ADAMTS16: variants seen among roughly 807,000 people sequenced by gnomAD.
ADAMTS16 encodes A disintegrin and metalloproteinase with thrombospondin motifs 16.
A neutral mutation model predicts 145.8 loss-of-function variants in ADAMTS16; 94 were observed. That is an observed-to-expected ratio of 0.64 (90% confidence interval 0.55 to 0.77). ADAMTS16 has a LOEUF of 0.77. Among genes scored for constraint, ADAMTS16 ranks in the 30% least tolerant of loss-of-function variants. The probability of loss-of-function intolerance (pLI) is 0.00; values close to 1 mark genes in which losing one functional copy is unlikely to be tolerated. For synonymous variants in ADAMTS16, 659 were observed against 604.3 expected (o/e 1.09, Z -1.33); for missense variants, 1,585 against 1,591.5 (o/e 1.00, Z 0.07).
intron 18 of ADAMTS16, among the ~76,000 whole-genome samples, chr5:5,293,800 A>T (rs948629348): frequency 6.6e-5 from 10 of 152,228 alleles, no homozygotes; most frequent in Admixed American, 6.5e-4. Context: ...TGGTGTGACC[A>T]AATGAACCGT....
Position 5,182,218 on chromosome 5 carries a change from TG to T in ADAMTS16, c.679del (p.Glu227SerfsTer56). The T allele has an allele frequency of 6.2e-7, 1 of 1,614,150 alleles. No homozygotes were observed. The highest frequency in any genetic ancestry group is 8.5e-7 in the Non-Finnish European group (1 of 1,180,034). The part of the protein sequence containing the change: ...ASEVLVTSRT[W>X]ELAHQPLHSS... ...TGAGGTCCTGGTGACCTCAAGGACA[TG>T]GGAGCTGGCACATCAACCCCTGCAC... On this transcript the variant is annotated frameshift_variant, in exon 4 of 23. Coordinates refer to ENST00000274181, the MANE Select transcript of ADAMTS16 (RefSeq NM_139056.4). LOFTEE classifies it high-confidence loss of function.
At chr5:5,251,722 T>C (rs1346790426) in intron 17 of ADAMTS16, among the ~76,000 whole-genome samples, 1 of 152,228 alleles carries the variant, frequency 6.6e-6, no homozygotes, top group Non-Finnish European at 1.5e-5. Flanking sequence ...GTAACTGAGA[T>C]GCTCTCTGCA....
chr5:5,208,967 A>C, intron 9 of ADAMTS16, 126 bp from the exon 10 acceptor site: 1 of 992,614 alleles, frequency 1.0e-6, no homozygotes, highest in East Asian at 2.5e-5. Flanking sequence ...AGGAGAAAAA[A>C]AGTTCTCCTC....
At chr5:5,309,472 T>C (rs1052171635) in intron 21 of ADAMTS16, among the ~76,000 whole-genome samples, 1 of 152,178 alleles carries the variant, frequency 6.6e-6, no homozygotes, top group Non-Finnish European at 1.5e-5. Context: ...ATAGTAAGTA[T>C]TCAGGAAATG....
chr5:5,141,755 G>T (rs1560920352), intron 2 of ADAMTS16, among the ~76,000 whole-genome samples: 1 of 152,132 alleles, frequency 6.6e-6, no homozygotes, highest in African/African-American at 2.4e-5. Flanking sequence ...CTTAATATAT[G>T]CATTAACTTT....
At chr5:5,273,165 C>T (rs544931339) in intron 18 of ADAMTS16, among the ~76,000 whole-genome samples, 1 of 152,296 alleles carries the variant, frequency 6.6e-6, no homozygotes, top group East Asian at 1.9e-4. Context: ...CTCCACTGTG[C>T]CCTTTGCAAA....
intron 10 of ADAMTS16, among the ~76,000 whole-genome samples, chr5:5,217,338 A>G (rs932096925): frequency 1.3e-5 from 2 of 152,158 alleles, no homozygotes; most frequent in Non-Finnish European, 2.9e-5. Context: ...AACAAAAGAC[A>G]AAATTGACAA....
chr5:5,173,084 C>T (rs754750484), intron 3 of ADAMTS16, among the ~76,000 whole-genome samples: 40 of 151,606 alleles, frequency 2.6e-4, no homozygotes, highest in Non-Finnish European at 4.7e-4. Context: ...TCTTTCTATT[C>T]CTTTATTTTT....
rs1738396503 is a variant in ADAMTS16 at position 5,269,850 on chromosome 5, C to G, written c.2789+7067C>G. Among the ~76,000 whole-genome samples, 1 of 152,154 alleles carries G rather than the reference C, an allele frequency of 6.6e-6. No homozygotes were observed. The highest frequency in any genetic ancestry group is 6.5e-5 in the Admixed American group (1 of 15,278). On this transcript the variant is annotated intron_variant, in intron 18 of 22. Coordinates refer to ENST00000274181, the MANE Select transcript of ADAMTS16 (RefSeq NM_139056.4). This position sits in a 1 kb window ranked among gnomAD's most constrained non-coding sequence, Gnocchi z 4.3. ...TCTCTCAAACACGGTTTAATACACA[C>G]ATGCTGTCAAGAGCACTGTGTGCTG... is the stretch of plus-strand genomic sequence containing the variant.
At position 5,303,604 on chromosome 5, in the gene ADAMTS16, G is replaced by T; in HGVS notation, c.3024G>T (p.Lys1008Asn). ...CSHTCGKGWR[K>N]RAVACKSTNP... ...ACACCTGTGGGAAGGGGTGGAGGAA[G>T]CGGGCAGTGGCCTGTAAGAGCACCA... The change falls in exon 20 of 23, where the codon AAG becomes AAT. Residue 1008 changes from lysine to asparagine, a missense_variant. Coordinates refer to ENST00000274181, the MANE Select transcript of ADAMTS16 (RefSeq NM_139056.4). 1 of 1,614,178 alleles carries T rather than the reference G, an allele frequency of 6.2e-7. No individual in the cohort carries two copies. The highest frequency in any genetic ancestry group is 1.7e-5 in the Admixed American group (1 of 60,030).
chr5:5,233,543 C>G, intron 12 of ADAMTS16, among the ~76,000 whole-genome samples: 1 of 152,102 alleles, frequency 6.6e-6, no homozygotes, highest in East Asian at 1.9e-4. Flanking sequence ...TTTATATGTC[C>G]ATGTGTTCTC....
chr5:5,211,834 T>C (rs1226082789), intron 10 of ADAMTS16, among the ~76,000 whole-genome samples: 1 of 152,166 alleles, frequency 6.6e-6, no homozygotes, highest in Non-Finnish European at 1.5e-5. Flanking sequence ...TTAAATATTA[T>C]TTAATTGCCA....
intron 10 of ADAMTS16, among the ~76,000 whole-genome samples, chr5:5,217,697 A>G (rs1393607197): frequency 6.6e-6 from 1 of 152,192 alleles, no homozygotes; most frequent in Non-Finnish European, 1.5e-5. Flanking sequence ...GGTTTTTGTG[A>G]ACATAACTCT....
intron 20 of ADAMTS16, among the ~76,000 whole-genome samples, chr5:5,304,037 TGAGC>T (rs1229444511): frequency 2.0e-5 from 3 of 152,058 alleles, no homozygotes; most frequent in Non-Finnish European, 2.9e-5. Context: ...TGAGGGGGTG[TGAGC>T]GTGAGAATAG....
intron 18 of ADAMTS16, among the ~76,000 whole-genome samples, chr5:5,268,020 G>T (rs998356291): frequency 3.3e-5 from 5 of 152,186 alleles, no homozygotes; most frequent in African/African-American, 9.6e-5. Flanking sequence ...CAGGCTTGCG[G>T]TGTGGCCTTG....
chr5:5,196,046 C>T (rs545817995), intron 8 of ADAMTS16, among the ~76,000 whole-genome samples: 74 of 151,738 alleles, frequency 4.9e-4, no homozygotes, highest in Non-Finnish European at 9.0e-4. Flanking sequence ...GCCAAGATGG[C>T]GAAACCCCAT....
chr5:5,169,920 C>G (rs951856073), intron 3 of ADAMTS16, among the ~76,000 whole-genome samples: 1 of 152,176 alleles, frequency 6.6e-6, no homozygotes, highest in Non-Finnish European at 1.5e-5. Flanking sequence ...TCACCTTCAT[C>G]TCTAAATATT....
intron 2 of ADAMTS16, among the ~76,000 whole-genome samples, chr5:5,145,816 G>A (rs1734276845): frequency 6.6e-6 from 1 of 152,184 alleles, no homozygotes; most frequent in Admixed American, 6.5e-5. Context: ...GGTAGGAGCT[G>A]GTGGGAGGTG....
Position 5,262,740 on chromosome 5 carries a change from G to A in ADAMTS16, c.2746G>A (p.Val916Ile). The part of the protein sequence containing the change: ...MSFCNPKTRP[V>I]TGLVPCKVSA... ...CTTCTGCAATCCCAAGACACGACCT[G>A]TCACGGGGCTGGTGCCTTGCAAAGT... The change falls in exon 18 of 23, where the codon GTC (valine) becomes ATC (isoleucine). Residue 916 changes from valine (V) to isoleucine (I), a missense_variant. Val to Ile is a conservative substitution (Grantham distance 29). This residue lies in a region of ADAMTS16 where 834 missense variants were observed against 811.7 expected (regional missense o/e 1.03). Transcript: ENST00000274181. 1 of 1,614,250 alleles carries A rather than the reference G, an allele frequency of 6.2e-7. No individual in the cohort carries two copies. Among genetic ancestry groups the A allele is most frequent in the South Asian group, 1.1e-5 (1 of 91,088 alleles).
Sources: gnomAD v4.1 joint callset for allele counts (sites outside exome capture counted in the v4.1 genomes callset) on GRCh38, gnomAD v4.1.1 for gene constraint, gnomAD v4.1.1 regional missense constraint, Gnocchi (gnomAD v3.1) non-coding constraint, MANE v1.5 for transcripts, NCBI Gene and HGNC (gene_info 2026-07-23, HGNC 2026-07-21) for gene names.